Variants in RBFOX1 observed in about 807,000 individuals in gnomAD.
RBFOX1 encodes the protein RNA binding protein fox-1 homolog 1.
A neutral mutation model predicts 57.7 loss-of-function variants in RBFOX1; 8 were observed. That is an observed-to-expected ratio of 0.14 (90% CI 0.08 to 0.25). The LOEUF (loss-of-function observed/expected upper bound fraction) is 0.25, where lower values mean the gene tolerates loss of function less well. Among genes scored for constraint, RBFOX1 ranks in the 10% least tolerant of loss-of-function variants. The pLI is 1.00. For synonymous variants in RBFOX1, 326 were observed against 222.4 expected (o/e 1.47, Z -4.15); for missense variants, 611 against 548.5 (o/e 1.11, Z -1.14).
intron 2 of RBFOX1, among the ~76,000 whole-genome samples, chr16:5,569,336 G>T (rs562639918): frequency 4.4e-4 from 66 of 150,750 alleles, no homozygotes; most frequent in African/African-American, 1.6e-3. Context: ...CTCACCTCAG[G>T]CAAATCACTT....
At chr16:7,502,938 G>A (rs925289470) in intron 4 of RBFOX1, among the ~76,000 whole-genome samples, 19 of 152,198 alleles carry the variant, frequency 1.2e-4, no homozygotes, top group African/African-American at 1.9e-4. Flanking sequence ...CAGGAGAGTC[G>A]CTTGAATCTG....
chr16:6,898,406 C>A lies in RBFOX1; in HGVS notation c.-15-153651C>A, dbSNP rs368548127. Among the ~76,000 whole-genome samples the A allele has an allele frequency of 2.8e-4, 43 of 152,166 alleles. 2 individuals are homozygous for A. Among genetic ancestry groups the A allele is most frequent in the Admixed American group, 2.1e-3 (32 of 15,270 alleles). Reference sequence around the variant, plus strand: ...GTATTGAGTGCACCCCAGCCCCTGACATTTCAGCTTGTTATGTGGCTGTGG... The same window carrying A: ...GTATTGAGTGCACCCCAGCCCCTGAAATTTCAGCTTGTTATGTGGCTGTGG... On this transcript the variant is annotated intron_variant, in intron 3 of 15. Coordinates refer to ENST00000550418, the MANE Select transcript of RBFOX1 (RefSeq NM_018723.4).
intron 4 of RBFOX1, among the ~76,000 whole-genome samples, chr16:7,336,933 G>A (rs559660182): frequency 3.3e-5 from 5 of 152,242 alleles, no homozygotes; most frequent in East Asian, 3.9e-4. Flanking sequence ...TTTGCTGTAG[G>A]AATATTTATG....
At chr16:5,679,276 A>G (rs1287450333) in intron 3 of RBFOX1, among the ~76,000 whole-genome samples, 1 of 151,932 alleles carries the variant, frequency 6.6e-6, no homozygotes, top group Non-Finnish European at 1.5e-5. Flanking sequence ...GCACTAAATA[A>G]TATGCTAAAG....
chr16:6,562,503 G>A (rs1488817095), intron 2 of RBFOX1, among the ~76,000 whole-genome samples: 1 of 152,208 alleles, frequency 6.6e-6, no homozygotes, highest in East Asian at 1.9e-4. Context: ...ATTAGCAAGG[G>A]TGACTCAGTC....
intron 1 of RBFOX1, among the ~76,000 whole-genome samples, chr16:6,048,069 C>A (rs567192954): frequency 1.3e-5 from 2 of 152,286 alleles, no homozygotes; most frequent in African/African-American, 4.8e-5. Context: ...AAAATAAATA[C>A]AGCCATTTGT....
intron 3 of RBFOX1, among the ~76,000 whole-genome samples, chr16:6,721,331 T>A (rs747179465): frequency 2.0e-5 from 3 of 152,008 alleles, no homozygotes; most frequent in Non-Finnish European, 4.4e-5. Flanking sequence ...TAATCCCAAC[T>A]ACTTGGGAGG....
At chr16:6,868,047 A>C (rs1470837051) in intron 3 of RBFOX1, among the ~76,000 whole-genome samples, 1 of 152,218 alleles carries the variant, frequency 6.6e-6, no homozygotes, top group East Asian at 1.9e-4. Context: ...AAATATAGGT[A>C]TTATAGTAAT....
At chr16:5,959,354 G>C (rs190719854) in intron 4 of RBFOX1, among the ~76,000 whole-genome samples, 23 of 152,302 alleles carry the variant, frequency 1.5e-4, no homozygotes, top group Admixed American at 1.5e-3. Context: ...TGTCTGGAGA[G>C]ATTTCTCAGG....
chr16:5,864,045 C>G (rs902583384), intron 3 of RBFOX1, among the ~76,000 whole-genome samples: 2 of 152,110 alleles, frequency 1.3e-5, no homozygotes, highest in African/African-American at 4.8e-5. Context: ...GTGATCCTCC[C>G]CCTCCTTTCA....
intron 2 of RBFOX1, among the ~76,000 whole-genome samples, chr16:6,479,449 A>G (rs999895117): frequency 1.3e-5 from 2 of 151,876 alleles, no homozygotes; most frequent in Admixed American, 1.3e-4. Context: ...TTAGCCCGGC[A>G]TGGTGGCACA....
intron 4 of RBFOX1, chr16:7,126,543 C>G (rs1216372078): frequency 4.6e-6 from 1 of 217,896 alleles, no homozygotes; most frequent in African/African-American, 2.3e-5. Context: ...ATGGCCTTGT[C>G]TTTGGGCACG....
Position 6,206,943 on chromosome 16 carries a change from C to T in RBFOX1, c.-126-110052C>T, listed in dbSNP as rs147682788. Among the ~76,000 whole-genome samples, 324 of 150,508 alleles carry T rather than the reference C, an allele frequency of 2.2e-3. 2 individuals carry two copies. The highest frequency in any genetic ancestry group is 7.5e-3 in the African/African-American group (306 of 40,982). On this transcript the variant is annotated intron_variant, in intron 1 of 15. Coordinates refer to ENST00000550418, the MANE Select transcript of RBFOX1 (RefSeq NM_018723.4). ...CACATGGTGAGCACCTTGTAATACA[C>T]TTAATTCTTAAGATAGTGAACTGGA...
chr16:6,839,173 C>G (rs1373240419), intron 3 of RBFOX1, among the ~76,000 whole-genome samples: 1 of 145,528 alleles, frequency 6.9e-6, no homozygotes, highest in East Asian at 1.9e-4. Flanking sequence ...CTTGTAGAGA[C>G]AGGGTTTCAC....
chr16:7,438,533 G>A (rs1186276007), intron 4 of RBFOX1, among the ~76,000 whole-genome samples: 1 of 152,182 alleles, frequency 6.6e-6, no homozygotes, highest in East Asian at 1.9e-4. Context: ...CTTTAGAAGG[G>A]CGTAATTCGT....
At chr16:5,831,653 C>T (rs2056280364) in intron 3 of RBFOX1, among the ~76,000 whole-genome samples, 1 of 151,938 alleles carries the variant, frequency 6.6e-6, no homozygotes, top group Non-Finnish European at 1.5e-5. Flanking sequence ...CCACGCCTGG[C>T]TAATTTTTGT....
At chr16:5,424,648 C>T (rs556629733) in intron 1 of RBFOX1, among the ~76,000 whole-genome samples, 5 of 152,102 alleles carry the variant, frequency 3.3e-5, no homozygotes, top group African/African-American at 7.2e-5. Context: ...AACAAACCTG[C>T]ACATCCTGCA....
chr16:6,826,528 G>C (rs2092160203), intron 3 of RBFOX1, among the ~76,000 whole-genome samples: 1 of 152,158 alleles, frequency 6.6e-6, no homozygotes, highest in Non-Finnish European at 1.5e-5. Flanking sequence ...GTGGCAGTGT[G>C]GGCACAGTCT....
intron 4 of RBFOX1, among the ~76,000 whole-genome samples, chr16:7,197,130 C>A (rs1178456012): frequency 6.6e-6 from 1 of 152,182 alleles, no homozygotes; most frequent in East Asian, 1.9e-4. Context: ...CTCTACCCAT[C>A]TCCAATCTGT....
Sources: gnomAD v4.1 joint callset for allele counts (sites outside exome capture counted in the v4.1 genomes callset) on GRCh38, gnomAD v4.1.1 for gene constraint, MANE v1.5 for transcripts, NCBI Gene and HGNC (gene_info 2026-07-23, HGNC 2026-07-21) for gene names.